TRPM3: variants seen among roughly 807,000 people sequenced by gnomAD.
TRPM3 encodes long transient receptor potential channel 3.
In TRPM3, 77 loss-of-function variants were observed where a neutral mutation model predicts 181.2. The observed-to-expected ratio is 0.42, with a 90% CI of 0.35 to 0.51. The LOEUF (loss-of-function observed/expected upper bound fraction) is 0.51. TRPM3 is among the 20% of genes least tolerant of loss of function. The pLI is 0.01. For synonymous variants in TRPM3, 745 were observed against 796.4 expected (o/e 0.94, Z 1.09); for missense variants, 1,759 against 2,196.7 (o/e 0.80, Z 3.98).
intron 1 of TRPM3, among the ~76,000 whole-genome samples, chr9:70,895,264 A>C (rs150724733): frequency 9.6e-4 from 146 of 152,268 alleles, no homozygotes; most frequent in African/African-American, 3.5e-3. Context: ...AATGATTACT[A>C]ACTTTTAACA....
At chr9:71,006,332 C>G (rs1369184950) in intron 1 of TRPM3, among the ~76,000 whole-genome samples, 4 of 151,908 alleles carry the variant, frequency 2.6e-5, no homozygotes, top group African/African-American at 7.3e-5. Flanking sequence ...GTAGAAAACC[C>G]GTACTTATCA....
chr9:70,751,074 C>G (rs912766607), intron 8 of TRPM3, among the ~76,000 whole-genome samples: 9 of 151,804 alleles, frequency 5.9e-5, no homozygotes, highest in Middle Eastern at 6.9e-3. Context: ...AAAATGTATT[C>G]AGGGTAATTA....
chr9:71,407,827 G>T (rs775414989), intron 1 of TRPM3, among the ~76,000 whole-genome samples: 1 of 152,140 alleles, frequency 6.6e-6, no homozygotes. Flanking sequence ...CTCCCAATAG[G>T]GGCCAACTGA....
intron 1 of TRPM3, among the ~76,000 whole-genome samples, chr9:70,952,866 A>G (rs2993001): frequency 0.75 from 114,212 of 152,020 alleles, 43,209 homozygotes; most frequent in African/African-American, 0.79. Flanking sequence ...CTGAAGGACT[A>G]TTTACACAGG....
chr9:71,383,795 G>A lies in TRPM3; in HGVS notation c.183+62858C>T, dbSNP rs547471261. On this transcript the variant is annotated intron_variant, in intron 1 of 24. Transcript: ENST00000357533. ...TGCCCATGAAACAAAAACAAAATGT[G>A]TTCCCAAAGTATTTTAAACCTTAGG... 2.6e-5 allele frequency among the ~76,000 whole-genome samples: 4 copies of A among 152,296 alleles called. No individual in the cohort carries two copies. The South Asian group carries it at 8.3e-4, about 32-fold the overall frequency.
intron 1 of TRPM3, among the ~76,000 whole-genome samples, chr9:71,080,561 C>T (rs2064146173): frequency 6.6e-6 from 1 of 152,060 alleles, no homozygotes. Flanking sequence ...GAGGTAAATG[C>T]CAGGTCCTTG....
In TRPM3 at chr9:71,383,719, T is replaced by TA. The variant is rs1325819466; in HGVS notation, c.183+62933dup. Reference sequence around the variant, plus strand: ...TTTGTAAGTTGTACATTTCCTAACATAAACACATCAATCTTACCAAGCAGG... The same window carrying TA: ...TTTGTAAGTTGTACATTTCCTAACATAAAACACATCAATCTTACCAAGCAGG... On this transcript the variant is annotated intron_variant, in intron 1 of 24. Coordinates refer to the TRPM3 transcript ENST00000357533. 2.6e-5 allele frequency among the ~76,000 whole-genome samples: 4 copies of TA among 152,206 alleles called. No individual in the cohort carries two copies. In the East Asian group the frequency reaches 7.7e-4, roughly 29 times the overall value.
At chr9:71,083,713 T>TAC (rs34900575) in intron 1 of TRPM3, among the ~76,000 whole-genome samples, 3,660 of 145,254 alleles carry the variant, frequency 0.025, 83 homozygotes, top group African/African-American at 0.055. Context: ...TATTATTATG[T>TAC]ACACACACAC....
intron 1 of TRPM3, among the ~76,000 whole-genome samples, chr9:70,967,152 C>A (rs2097193554): frequency 6.6e-6 from 1 of 152,074 alleles, no homozygotes; most frequent in African/African-American, 2.4e-5. Flanking sequence ...AAATTTCATT[C>A]TAATGCTATT....
chr9:71,153,141 C>A (rs2075820982), intron 1 of TRPM3, among the ~76,000 whole-genome samples: 1 of 152,096 alleles, frequency 6.6e-6, no homozygotes, highest in South Asian at 2.1e-4. Context: ...ATCAGATCAT[C>A]TTGGTAATGT....
intron 1 of TRPM3, among the ~76,000 whole-genome samples, chr9:71,144,502 G>T (rs140204838): frequency 6.6e-6 from 1 of 152,042 alleles, no homozygotes. Context: ...GAAGAATATC[G>T]TGAGATTTGG....
At chr9:71,247,704 G>A (rs2132001516) in intron 1 of TRPM3, among the ~76,000 whole-genome samples, 1 of 152,172 alleles carries the variant, frequency 6.6e-6, no homozygotes, top group Admixed American at 6.6e-5. Flanking sequence ...ATCAGCTCAG[G>A]GCAAGGGAAG....
chr9:70,536,111 T>C lies in TRPM3; in HGVS notation c.5002A>G (p.Ile1668Val). Residue 1668 changes from isoleucine (I) to valine (V), a missense_variant, in exon 26 of 26, where the codon ATC becomes GTC. Coordinates refer to ENST00000677713, the MANE Select transcript of TRPM3 (RefSeq NM_001366145.2). Reference protein sequence around the residue: ...PYAHTRKSFSISDKLDRQRNT... With the variant: ...PYAHTRKSFSVSDKLDRQRNT... ...CGCTGCCTGTCGAGTTTGTCACTGA[T>C]GGAGAAGCTCTTCCTGGTGTGTGCA... is the stretch of plus-strand genomic sequence containing the variant. The C allele has an allele frequency of 6.2e-7, 1 of 1,614,216 alleles. No homozygotes were observed. Among genetic ancestry groups the C allele is most frequent in the Non-Finnish European group, 8.5e-7 (1 of 1,180,042 alleles).
At chr9:70,840,362 T>A (rs73467836) in intron 5 of TRPM3, among the ~76,000 whole-genome samples, 16 of 152,284 alleles carry the variant, frequency 1.1e-4, no homozygotes, top group African/African-American at 3.4e-4. Context: ...GTGTTCTCTA[T>A]AACCTGCCAC....
intron 1 of TRPM3, among the ~76,000 whole-genome samples, chr9:71,283,360 G>C (rs1159895723): frequency 6.6e-6 from 1 of 152,094 alleles, no homozygotes; most frequent in Non-Finnish European, 1.5e-5. Context: ...GCAGTGGTGT[G>C]ATCTTGGCTC....
intron 1 of TRPM3, among the ~76,000 whole-genome samples, chr9:71,298,137 C>T (rs1326438729): frequency 1.3e-5 from 2 of 151,508 alleles, no homozygotes; most frequent in Non-Finnish European, 2.9e-5. Context: ...CAAATCTAAA[C>T]ATTACTATTT....
chr9:71,439,358 T>C (rs2094098729), intron 1 of TRPM3, among the ~76,000 whole-genome samples: 1 of 152,230 alleles, frequency 6.6e-6, no homozygotes, highest in Admixed American at 6.5e-5. Flanking sequence ...TAGATAACTG[T>C]TTCCATTCAG....
At chr9:71,384,830 CCA>C (rs1389494632) in intron 1 of TRPM3, among the ~76,000 whole-genome samples, 1 of 152,098 alleles carries the variant, frequency 6.6e-6, no homozygotes, top group Admixed American at 6.6e-5. Context: ...CAGGCACTCT[CCA>C]GAGTCTAAAA....
chr9:71,352,993 C>T lies in TRPM3; in HGVS notation c.183+93660G>A, dbSNP rs571155271. On this transcript the variant is annotated intron_variant, in intron 1 of 24. Coordinates refer to the TRPM3 transcript ENST00000357533. Reference sequence around the variant, plus strand: ...ACCACTTTGTTCATAATATAAATATCCAGGTCCCATCCCACACCAACCAAA... The same window carrying T: ...ACCACTTTGTTCATAATATAAATATTCAGGTCCCATCCCACACCAACCAAA... Among the ~76,000 whole-genome samples the T allele has an allele frequency of 2.0e-5, 3 of 152,222 alleles. No homozygotes were observed. In the East Asian group the frequency reaches 5.8e-4, roughly 29 times the overall value.
Sources: gnomAD v4.1 joint callset for allele counts (sites outside exome capture counted in the v4.1 genomes callset) on GRCh38, gnomAD v4.1.1 for gene constraint, MANE v1.5 for transcripts, NCBI Gene and HGNC (gene_info 2026-07-23, HGNC 2026-07-21) for gene names.